BMAL2: variants seen among roughly 807,000 people sequenced by gnomAD.
The protein encoded by BMAL2 is basic helix-loop-helix ARNT like 2.
the BMAL2 span, among the ~76,000 whole-genome samples, chr12:27,361,280 T>C: frequency 1.1e-4 from 17 of 152,336 alleles, no homozygotes; most frequent in Middle Eastern, 3.4e-3. Flanking sequence ...CCTTGAGGAA[T>C]TGATACTAAA....
the BMAL2 span, among the ~76,000 whole-genome samples, chr12:27,351,890 A>G: frequency 6.6e-6 from 1 of 152,326 alleles, no homozygotes; most frequent in East Asian, 1.9e-4. Flanking sequence ...ATTTCTATTA[A>G]TACATTATAT....
chr12:27,345,465 A>T, the BMAL2 span, among the ~76,000 whole-genome samples: 2 of 152,146 alleles, frequency 1.3e-5, no homozygotes, highest in African/African-American at 4.8e-5. Flanking sequence ...TAAGATGAGT[A>T]AATTGGACAG....
At chr12:27,418,757 A>G in the BMAL2 span, among the ~76,000 whole-genome samples, 1 of 152,178 alleles carries the variant, frequency 6.6e-6, no homozygotes, top group African/African-American at 2.4e-5. Context: ...AGGCAGGCGA[A>G]TCATGAGGTC....
At chr12:27,354,667 A>G in the BMAL2 span, among the ~76,000 whole-genome samples, 2 of 152,356 alleles carry the variant, frequency 1.3e-5, 1 homozygote, top group African/African-American at 4.8e-5. Context: ...TTTTGTGTAT[A>G]AAGTGTATAT....
At chr12:27,353,526 C>G in the BMAL2 span, among the ~76,000 whole-genome samples, 1 of 152,134 alleles carries the variant, frequency 6.6e-6, no homozygotes, top group Non-Finnish European at 1.5e-5. Context: ...GCAGAGATTT[C>G]ATAATGTAGT....
At chr12:27,403,617 G>A in the BMAL2 span, 2 of 854,620 alleles carry the variant, frequency 2.3e-6, no homozygotes, top group African/African-American at 1.7e-5. Context: ...AAAATCAGTA[G>A]CCTTCCTATA....
At chr12:27,410,072 G>A in the BMAL2 span, among the ~76,000 whole-genome samples, 302 of 151,186 alleles carry the variant, frequency 2.0e-3, no homozygotes, top group Middle Eastern at 0.01. Context: ...TTAGAATGGC[G>A]ATCATTAAAA....
chr12:27,368,002 C>T, the BMAL2 span, among the ~76,000 whole-genome samples: 1 of 151,516 alleles, frequency 6.6e-6, no homozygotes, highest in African/African-American at 2.4e-5. Context: ...CCACATTGTG[C>T]CTGGCTAATT....
chr12:27,369,832 C>T, the BMAL2 span, among the ~76,000 whole-genome samples: 2 of 152,042 alleles, frequency 1.3e-5, no homozygotes, highest in African/African-American at 2.4e-5. Context: ...AAGAAACATG[C>T]GAAGTACTGA....
At chr12:27,346,463 A>G in the BMAL2 span, among the ~76,000 whole-genome samples, 40 of 152,228 alleles carry the variant, frequency 2.6e-4, no homozygotes, top group East Asian at 7.7e-3. Context: ...GGGTTTCACC[A>G]TGTTGGCCAG....
At chr12:27,407,582 G>A in the BMAL2 span, among the ~76,000 whole-genome samples, 2 of 152,066 alleles carry the variant, frequency 1.3e-5, no homozygotes, top group African/African-American at 2.4e-5. Flanking sequence ...TCTCTGGGAT[G>A]CATTCAAAGC....
chr12:27,371,085 T>A, the BMAL2 span, among the ~76,000 whole-genome samples: 3 of 152,226 alleles, frequency 2.0e-5, no homozygotes, highest in Non-Finnish European at 2.9e-5. Context: ...ACTGCTATAA[T>A]AGAGACCCTG....
the BMAL2 span, among the ~76,000 whole-genome samples, chr12:27,389,488 A>G: frequency 6.6e-6 from 1 of 152,206 alleles, no homozygotes; most frequent in African/African-American, 2.4e-5. Flanking sequence ...GACATATACA[A>G]ACACAAATTC....
chr12:27,340,022 A>G, the BMAL2 span, among the ~76,000 whole-genome samples: 15 of 152,182 alleles, frequency 9.9e-5, no homozygotes, highest in Admixed American at 3.3e-4. Context: ...ATAATTTGCA[A>G]AAAGTTTTCT....
the BMAL2 span, among the ~76,000 whole-genome samples, chr12:27,349,299 G>A: frequency 6.6e-6 from 1 of 152,138 alleles, no homozygotes; most frequent in East Asian, 1.9e-4. Context: ...TTAAATCGTT[G>A]ATAGTTTGCA....
At chr12:27,376,732 G>A in the BMAL2 span, among the ~76,000 whole-genome samples, 1 of 151,846 alleles carries the variant, frequency 6.6e-6, no homozygotes, top group Non-Finnish European at 1.5e-5. Context: ...CTGGCGCAGT[G>A]GCTTACACCT....
chr12:27,389,528 T>G, the BMAL2 span, among the ~76,000 whole-genome samples: 1 of 152,164 alleles, frequency 6.6e-6, no homozygotes, highest in Admixed American at 6.5e-5. Flanking sequence ...GGGGAAAATA[T>G]GAGTGCTTCA....
chr12:27,378,169 A>G, the BMAL2 span, among the ~76,000 whole-genome samples: 1 of 152,148 alleles, frequency 6.6e-6, no homozygotes, highest in Non-Finnish European at 1.5e-5. Flanking sequence ...TCTAAGATAC[A>G]CTTTTCTCCT....
chr12:27,412,634 T>C, the BMAL2 span, among the ~76,000 whole-genome samples: 4 of 152,140 alleles, frequency 2.6e-5, no homozygotes, highest in East Asian at 7.7e-4. Flanking sequence ...AAAACCAATG[T>C]ACACATGTGT....
Sources: allele counts gnomAD v4.1 joint callset (sites outside exome capture counted in the v4.1 genomes callset), GRCh38; gene constraint gnomAD v4.1.1; transcripts MANE v1.5; gene names NCBI Gene and HGNC (gene_info 2026-07-23, HGNC 2026-07-21).